ACTL8: variants seen among roughly 807,000 people sequenced by gnomAD.
ACTL8 encodes the protein actin-like protein 8.
ACTL8 carries 3 observed loss-of-function variants against 9.3 expected under a neutral mutation model. That is an observed-to-expected ratio of 0.32 (90% CI 0.15 to 0.83). The LOEUF is 0.83. Ranked by LOEUF, ACTL8 falls within the 40% of genes least tolerant of loss-of-function variation. ACTL8 has a pLI of 0.57. For missense variants in ACTL8, 381 were observed against 492.2 expected, an observed-to-expected ratio of 0.77 and a Z score of 2.14; for synonymous variants, 224 against 205.9, an observed-to-expected ratio of 1.09 and a Z score of -0.75.
At chr1:17,803,272 C>A (rs2066336565) in intron 1 of ACTL8, among the ~76,000 whole-genome samples, 1 of 152,192 alleles carries the variant, frequency 6.6e-6, no homozygotes, top group South Asian at 2.1e-4. Flanking sequence ...TACCTTTCCA[C>A]CATGATTGTA....
chr1:17,810,286 T>C (rs2066385258), intron 1 of ACTL8, among the ~76,000 whole-genome samples: 1 of 152,362 alleles, frequency 6.6e-6, no homozygotes, highest in South Asian at 2.1e-4. Flanking sequence ...CTAGTTACTA[T>C]CTTTTGACCC....
rs56870755 is a variant in ACTL8 at position 17,805,377 on chromosome 1, C to CTTTTTTT, written c.-24-17588_-24-17582dup. Among the ~76,000 whole-genome samples the CTTTTTTT allele has an allele frequency of 4.2e-3, 423 of 100,136 alleles. 4 individuals are homozygous for CTTTTTTT. The highest frequency in any genetic ancestry group is 5.9e-3 in the South Asian group (19 of 3,214). The allele number at this position is 100,136 out of a possible 152,430, so 65.7% of individuals were successfully genotyped here. ...ATAGATATATTTTCTTTTTCTTTTT[C>CTTTTTTT]TTTTTTTTTTTTTTTTTTTTTTTTT... On this transcript the variant is annotated intron_variant, in intron 1 of 2. Coordinates refer to ENST00000375406, the MANE Select transcript of ACTL8 (RefSeq NM_030812.3).
chr1:17,820,317 T>C (rs918834501), intron 1 of ACTL8, among the ~76,000 whole-genome samples: 3 of 152,172 alleles, frequency 2.0e-5, no homozygotes, highest in African/African-American at 7.2e-5. Flanking sequence ...TATGCACATA[T>C]TCATGTTATG....
intron 1 of ACTL8, among the ~76,000 whole-genome samples, chr1:17,775,404 G>A (rs2102680442): frequency 6.6e-6 from 1 of 152,292 alleles, no homozygotes; most frequent in South Asian, 2.1e-4. Context: ...GGAATGGCCA[G>A]GAAGCTTATT....
chr1:17,790,712 C>CA, intron 1 of ACTL8, among the ~76,000 whole-genome samples: 1 of 152,362 alleles, frequency 6.6e-6, no homozygotes, highest in East Asian at 1.9e-4. Context: ...CCACCCCCTT[C>CA]TACCCAGGAA....
intron 1 of ACTL8, among the ~76,000 whole-genome samples, chr1:17,770,915 G>A (rs1044322720): frequency 5.3e-5 from 8 of 152,166 alleles, no homozygotes; most frequent in Non-Finnish European, 1.2e-4. Flanking sequence ...CCTGGGTTTG[G>A]ATCCTGGCTT....
At chr1:17,805,390 T>C (rs1464631740) in intron 1 of ACTL8, among the ~76,000 whole-genome samples, 108 of 141,802 alleles carry the variant, frequency 7.6e-4, no homozygotes, top group African/African-American at 2.7e-3. Flanking sequence ...TTTTTTTTTT[T>C]TTTTTTTTTT....
chr1:17,785,473 C>T (rs1048745520), intron 1 of ACTL8, among the ~76,000 whole-genome samples: 3 of 152,176 alleles, frequency 2.0e-5, no homozygotes, highest in African/African-American at 7.2e-5. Flanking sequence ...AGAGGACGCA[C>T]CTAATAGGTT....
intron 1 of ACTL8, among the ~76,000 whole-genome samples, chr1:17,756,200 A>G (rs1323190461): frequency 6.6e-6 from 1 of 151,662 alleles, no homozygotes; most frequent in African/African-American, 2.4e-5. Context: ...TATCCCTTGA[A>G]TAGGGGCTCT....
chr1:17,795,043 T>C lies in ACTL8; in HGVS notation c.-24-27942T>C, dbSNP rs557899414. ...AGGCTTAAACAATCCAATAGTTGATTTCACTTTCATGTTCAAATAGTTTAG... is the reference window on the plus strand; with the variant it reads ...AGGCTTAAACAATCCAATAGTTGATCTCACTTTCATGTTCAAATAGTTTAG... On this transcript the variant is annotated intron_variant, in intron 1 of 2. Coordinates refer to ENST00000375406, the MANE Select transcript of ACTL8 (RefSeq NM_030812.3). 1.4e-3 allele frequency among the ~76,000 whole-genome samples: 216 copies of C among 152,302 alleles called. 1 individual carries two copies. Among genetic ancestry groups the C allele is most frequent in the Middle Eastern group, 3.4e-3 (1 of 294 alleles).
At chr1:17,787,483 G>A (rs1378352914) in intron 1 of ACTL8, among the ~76,000 whole-genome samples, 1 of 152,090 alleles carries the variant, frequency 6.6e-6, no homozygotes, top group African/African-American at 2.4e-5. Context: ...TGGCCAGGCT[G>A]GTCTCCAACT....
At chr1:17,804,782 AT>A (rs1193168547) in intron 1 of ACTL8, among the ~76,000 whole-genome samples, 1 of 151,726 alleles carries the variant, frequency 6.6e-6, no homozygotes, top group African/African-American at 2.4e-5. Context: ...AGCCCAGCTA[AT>A]TTTTGTATTT....
chr1:17,802,335 C>T (rs1383777993), intron 1 of ACTL8, among the ~76,000 whole-genome samples: 1 of 151,926 alleles, frequency 6.6e-6, no homozygotes, highest in Non-Finnish European at 1.5e-5. Flanking sequence ...TTCCCTGGGC[C>T]CTGAATGGTA....
rs1292214185 is a variant in ACTL8 at position 17,799,654 on chromosome 1, A to T, written c.-24-23331A>T. Reference sequence around the variant, plus strand: ...TGTGTGTGCCTTCTGTCTTGTTTTTAGAAGTCCTTCCCTTTACCAAGACCA... The same window carrying T: ...TGTGTGTGCCTTCTGTCTTGTTTTTTGAAGTCCTTCCCTTTACCAAGACCA... On this transcript the variant is annotated intron_variant, in intron 1 of 2. Transcript: ENST00000375406. Among the ~76,000 whole-genome samples the T allele has an allele frequency of 7.2e-5, 11 of 151,808 alleles. No individual in the cohort carries two copies. In the East Asian group the frequency reaches 1.7e-3, roughly 24 times the overall value.
At chr1:17,811,007 T>C (rs2066390187) in intron 1 of ACTL8, among the ~76,000 whole-genome samples, 1 of 152,200 alleles carries the variant, frequency 6.6e-6, no homozygotes, top group Admixed American at 6.5e-5. Flanking sequence ...TACATAGGAA[T>C]AGGATTACTT....
chr1:17,790,874 G>T lies in ACTL8; in HGVS notation c.-24-32111G>T, dbSNP rs895342029. On this transcript the variant is annotated intron_variant, in intron 1 of 2. Transcript: ENST00000375406. ...TTCAGAGGGGGCTGAGGCAGCAGGA[G>T]GCTGGTGTGTCAGCACTTTCCTGAC... Among the ~76,000 whole-genome samples, 3 of 152,378 alleles carry T rather than the reference G, an allele frequency of 2.0e-5. No individual in the cohort carries two copies. In the East Asian group the frequency reaches 5.8e-4, roughly 29 times the overall value.
At chr1:17,775,522 A>C (rs1452458639) in intron 1 of ACTL8, among the ~76,000 whole-genome samples, 3 of 152,282 alleles carry the variant, frequency 2.0e-5, no homozygotes, top group East Asian at 3.9e-4. Context: ...TTAGAAGCTC[A>C]GGCAGACCCA....
chr1:17,824,994 A>G (rs1283574846), intron 2 of ACTL8, among the ~76,000 whole-genome samples: 2 of 151,100 alleles, frequency 1.3e-5, no homozygotes, highest in African/African-American at 4.9e-5. Flanking sequence ...AGTGGCTGGG[A>G]CCACAGAAGG....
At chr1:17,811,355 TG>T (rs1434283990) in intron 1 of ACTL8, among the ~76,000 whole-genome samples, 6 of 152,216 alleles carry the variant, frequency 3.9e-5, no homozygotes, top group African/African-American at 1.4e-4. Flanking sequence ...CTTTAGCAGA[TG>T]TGTGATGTGT....
Sources: gnomAD v4.1 joint callset for allele counts (sites outside exome capture counted in the v4.1 genomes callset) on GRCh38, gnomAD v4.1.1 for gene constraint, MANE v1.5 for transcripts, NCBI Gene and HGNC (gene_info 2026-07-23, HGNC 2026-07-21) for gene names.